Variants in NACC2 observed in about 807,000 individuals in gnomAD.
NACC2 encodes nucleus accumbens-associated protein 2.
In NACC2, 8 loss-of-function variants were observed where a neutral mutation model predicts 25.1. The observed-to-expected ratio is 0.32, with a 90% CI of 0.19 to 0.57. The LOEUF (loss-of-function observed/expected upper bound fraction) is 0.57. Ranked by LOEUF, NACC2 falls within the 20% of genes least tolerant of loss-of-function variation. The probability of loss-of-function intolerance (pLI) is 0.89; values close to 1 mark genes in which losing one functional copy is unlikely to be tolerated. For synonymous variants in NACC2, 435 were observed against 294.7 expected, an observed-to-expected ratio of 1.48 and a Z score of -4.88; for missense variants, 644 against 650.2, an observed-to-expected ratio of 0.99 and a Z score of 0.10.
chr9:136,058,939 A>T (rs1840969912), intron 1 of NACC2, among the ~76,000 whole-genome samples: 1 of 152,158 alleles, frequency 6.6e-6, no homozygotes, highest in Non-Finnish European at 1.5e-5. Flanking sequence ...CTGCCCCTGG[A>T]TGGGTAGCAG....
At position 136,013,438 on chromosome 9, in the gene NACC2, G is replaced by A. The variant is rs978199256; in HGVS notation, c.1158-142C>T. ...TGCGTGTGTCCCAGTGGCAGGAGCC[G>A]GCCCAGCCACCCTCTAAGGGACAGG... On this transcript the variant is annotated intron_variant, in intron 4 of 5. Transcript: ENST00000277554. This position sits in a 1 kb window ranked among gnomAD's most constrained non-coding sequence, Gnocchi z 6.6. 38 of 677,620 alleles carry A rather than the reference G, an allele frequency of 5.6e-5. 1 individual carries two copies. The highest frequency in any genetic ancestry group is 5.0e-4 in the Admixed American group (18 of 36,152). The allele number at this position is 677,620 out of a possible 1,614,324, so 42.0% of individuals were successfully genotyped here.
chr9:136,057,720 C>A (rs1393450775), intron 1 of NACC2, among the ~76,000 whole-genome samples: 2 of 152,216 alleles, frequency 1.3e-5, no homozygotes, highest in African/African-American at 2.4e-5. Context: ...GAGATTGGGG[C>A]TGCCCAGGCG....
At chr9:136,081,226 G>A (rs973205927) in intron 1 of NACC2, among the ~76,000 whole-genome samples, 4 of 152,218 alleles carry the variant, frequency 2.6e-5, no homozygotes, top group African/African-American at 9.6e-5. Context: ...GGAACCAGGT[G>A]GACTCAGTCC....
chr9:136,054,173 C>T (rs1463607729), intron 1 of NACC2, among the ~76,000 whole-genome samples: 2 of 152,234 alleles, frequency 1.3e-5, no homozygotes, highest in Non-Finnish European at 2.9e-5. Context: ...GAGCAGCTCT[C>T]AGCTGGGCAT....
chr9:136,064,859 G>T (rs1588577291), intron 1 of NACC2, among the ~76,000 whole-genome samples: 1 of 152,272 alleles, frequency 6.6e-6, no homozygotes, highest in East Asian at 1.9e-4. Flanking sequence ...CTGATCTAAG[G>T]ACAGACTTAG....
chr9:136,046,339 C>T (rs1840724532), intron 2 of NACC2, among the ~76,000 whole-genome samples: 1 of 152,218 alleles, frequency 6.6e-6, no homozygotes, highest in South Asian at 2.1e-4. Context: ...TGGGCGTTTC[C>T]CTTCCGGTGG....
At chr9:136,032,889 G>T (rs1351253493) in intron 2 of NACC2, among the ~76,000 whole-genome samples, 1 of 152,052 alleles carries the variant, frequency 6.6e-6, no homozygotes. Context: ...ATGGTGGCAG[G>T]CGCCTGTAAT....
intron 1 of NACC2, among the ~76,000 whole-genome samples, chr9:136,089,771 CTTTT>C (rs397789617): frequency 4.1e-5 from 6 of 145,696 alleles, no homozygotes; most frequent in Non-Finnish European, 6.1e-5. Context: ...TTCTTAAAAG[CTTTT>C]TTTTTTTCTT....
intron 1 of NACC2, among the ~76,000 whole-genome samples, chr9:136,054,592 G>C (rs1298108999): frequency 6.6e-6 from 1 of 152,186 alleles, no homozygotes; most frequent in Admixed American, 6.5e-5. Flanking sequence ...GCCCAGGTGG[G>C]CCCAGGGACG....
At chr9:136,034,270 A>G (rs1326969425) in intron 2 of NACC2, among the ~76,000 whole-genome samples, 1 of 152,192 alleles carries the variant, frequency 6.6e-6, no homozygotes, top group Non-Finnish European at 1.5e-5. Context: ...CCTGGATCAC[A>G]GCACACACAA....
At chr9:136,048,054 A>G (rs980605810) in intron 2 of NACC2, among the ~76,000 whole-genome samples, 277 of 152,290 alleles carry the variant, frequency 1.8e-3, no homozygotes, top group African/African-American at 6.3e-3. Context: ...ACCCGTCGGC[A>G]ACCCGTCGGC....
intron 1 of NACC2, among the ~76,000 whole-genome samples, chr9:136,051,012 G>A (rs2131163333): frequency 6.6e-6 from 1 of 152,340 alleles, no homozygotes; most frequent in Middle Eastern, 3.4e-3. Context: ...CCCGGGAGGG[G>A]CCGCGCTGGA....
chr9:136,089,845 A>G (rs1830417523), intron 1 of NACC2, among the ~76,000 whole-genome samples: 1 of 152,008 alleles, frequency 6.6e-6, no homozygotes, highest in African/African-American at 2.4e-5. Flanking sequence ...AGTGTGGAAT[A>G]AGAATAGCCA....
At chr9:136,062,254 T>TC (rs1254158529) in intron 1 of NACC2, among the ~76,000 whole-genome samples, 3 of 151,234 alleles carry the variant, frequency 2.0e-5, no homozygotes, top group African/African-American at 7.3e-5. Flanking sequence ...TGCAAATACT[T>TC]CCCCCCAACG....
At chr9:136,043,934 C>A (rs1477969071) in intron 2 of NACC2, among the ~76,000 whole-genome samples, 1 of 152,158 alleles carries the variant, frequency 6.6e-6, no homozygotes, top group African/African-American at 2.4e-5. Context: ...AAGTGATCCT[C>A]CTGCCTCAGC....
chr9:136,050,630 C>T lies in NACC2; in HGVS notation c.-59-50G>A, dbSNP rs968499575. The T allele has an allele frequency of 1.0e-3, 691 of 681,880 alleles. 3 individuals are homozygous for T. Among genetic ancestry groups the T allele is most frequent in the East Asian group, 8.2e-3 (304 of 37,104 alleles). 42.2% of individuals were successfully genotyped at this position (681,880 alleles called of 1,614,324 possible). A position where few individuals can be genotyped will look rare whatever the true frequency, so the allele number is the denominator to read the frequency against. The stretch of plus-strand genomic sequence containing the variant: ...TCAGTTCCTCCAGGTCACGGGCTCC[C>T]CGCTCAAGGGGCCGTTCCCACCCCC... On this transcript the variant is annotated intron_variant, in intron 1 of 5. Transcript: ENST00000277554.
intron 1 of NACC2, among the ~76,000 whole-genome samples, chr9:136,057,893 G>A (rs555778910): frequency 6.5e-4 from 99 of 152,330 alleles, no homozygotes; most frequent in South Asian, 3.3e-3. Context: ...GGTCTGGAGC[G>A]TGCTGGGCCC....
At position 136,086,574 on chromosome 9, in the gene NACC2, C is replaced by T. The variant is rs73668069; in HGVS notation, c.-60+8615G>A. On this transcript the variant is annotated intron_variant, in intron 1 of 5. Transcript: ENST00000277554. This position sits in a 1 kb window ranked among gnomAD's most constrained non-coding sequence, Gnocchi z 5.6. ...TCCCACCCCGGGCTCCACTGTGACC[C>T]ACACGCTGTCATTTCCAGGCCACTT... Among the ~76,000 whole-genome samples, 4,597 of 152,234 alleles carry T rather than the reference C, an allele frequency of 0.03. 93 individuals carry two copies. Among genetic ancestry groups the T allele is most frequent in the African/African-American group, 0.047 (1,954 of 41,534 alleles).
chr9:136,069,799 G>A (rs1382617525), intron 1 of NACC2, among the ~76,000 whole-genome samples: 1 of 151,748 alleles, frequency 6.6e-6, no homozygotes, highest in Non-Finnish European at 1.5e-5. Context: ...CCATGTACCA[G>A]ACAACGGAAC....
Sources: gnomAD v4.1 joint callset for allele counts (sites outside exome capture counted in the v4.1 genomes callset) on GRCh38, gnomAD v4.1.1 for gene constraint, Gnocchi (gnomAD v3.1) non-coding constraint, MANE v1.5 for transcripts, NCBI Gene and HGNC (gene_info 2026-07-23, HGNC 2026-07-21) for gene names.